Variants in KCNU1 observed in about 807,000 individuals in gnomAD.
The protein encoded by KCNU1 is potassium channel subfamily U member 1.
KCNU1 carries 93 observed loss-of-function variants against 126.8 expected under a neutral mutation model. That is an observed-to-expected ratio of 0.73 (90% CI 0.62 to 0.87). The LOEUF is 0.87. Among genes scored for constraint, KCNU1 ranks in the 40% least tolerant of loss-of-function variants. The pLI, the probability that KCNU1 is intolerant of heterozygous loss-of-function variation, is 0.00. For missense variants in KCNU1, 1,330 were observed against 1,367.1 expected, an observed-to-expected ratio of 0.97 and a Z score of 0.43; for synonymous variants, 523 against 494.2, an observed-to-expected ratio of 1.06 and a Z score of -0.77.
chr8:36,845,946 G>C (rs1367369043), intron 18 of KCNU1, 47 bp downstream of exon 18: 25 of 1,111,358 alleles, frequency 2.2e-5, no homozygotes, highest in Non-Finnish European at 3.2e-5. Flanking sequence ...CCTCTAGGGA[G>C]CTGCCTGACG....
chr8:36,915,157 A>G (rs1313914695), intron 22 of KCNU1, among the ~76,000 whole-genome samples: 1 of 152,230 alleles, frequency 6.6e-6, no homozygotes, highest in Non-Finnish European at 1.5e-5. Context: ...TTAGCAAAGA[A>G]CTGGAATCAG....
rs147539343 is a variant in KCNU1 at position 36,797,304 on chromosome 8, C to CT, written c.316-6713dup. On this transcript the variant is annotated intron_variant, in intron 2 of 26. Transcript: ENST00000399881. ...CCACTGGCTGATATTTACATTTCTACTTTTTTTTTTATTACTTTAATTTAT... is the reference window on the plus strand; with the variant it reads ...CCACTGGCTGATATTTACATTTCTACTTTTTTTTTTTATTACTTTAATTTAT... Among the ~76,000 whole-genome samples the CT allele has an allele frequency of 2.4e-3, 360 of 148,984 alleles. 3 individuals carry two copies. Among genetic ancestry groups the CT allele is most frequent in the Non-Finnish European group, 3.9e-3 (258 of 66,974 alleles).
intron 18 of KCNU1, among the ~76,000 whole-genome samples, chr8:36,850,440 T>C (rs1193582081): frequency 6.6e-6 from 1 of 150,734 alleles, no homozygotes; most frequent in African/African-American, 2.4e-5. Flanking sequence ...ATTTGGCTCT[T>C]ACAAAATCGG....
chr8:36,935,109 A>T (rs1808814129), intron 26 of KCNU1, among the ~76,000 whole-genome samples: 4 of 152,106 alleles, frequency 2.6e-5, no homozygotes, highest in Admixed American at 2.6e-4. Context: ...TGCCAGCTGA[A>T]TTCATGAGTA....
intron 10 of KCNU1, among the ~76,000 whole-genome samples, chr8:36,828,894 A>G (rs753836112): frequency 3.3e-5 from 5 of 152,134 alleles, no homozygotes; most frequent in Non-Finnish European, 7.4e-5. Context: ...GAGACTTCAC[A>G]CATATATATA....
At chr8:36,907,993 C>A (rs984759882) in intron 20 of KCNU1, among the ~76,000 whole-genome samples, 1 of 150,756 alleles carries the variant, frequency 6.6e-6, no homozygotes, top group Non-Finnish European at 1.5e-5. Flanking sequence ...TTTTTTTTTC[C>A]ATTTTAAACA....
At chr8:36,879,772 C>A (rs1362875397) in intron 19 of KCNU1, among the ~76,000 whole-genome samples, 1 of 152,176 alleles carries the variant, frequency 6.6e-6, no homozygotes, top group East Asian at 1.9e-4. Context: ...AATAGTAAAT[C>A]ACTAGGACTT....
intron 11 of KCNU1, among the ~76,000 whole-genome samples, chr8:36,834,198 C>G (rs968132401): frequency 2.0e-5 from 3 of 152,218 alleles, no homozygotes; most frequent in Non-Finnish European, 4.4e-5. Context: ...GTCATGTTCT[C>G]AGTCTCGGAG....
At chr8:36,859,229 G>A (rs2117319404) in intron 18 of KCNU1, among the ~76,000 whole-genome samples, 1 of 152,238 alleles carries the variant, frequency 6.6e-6, no homozygotes, top group South Asian at 2.1e-4. Flanking sequence ...TAACATATGG[G>A]CATTCTCTTA....
chr8:36,802,541 A>G (rs917368195), intron 2 of KCNU1, among the ~76,000 whole-genome samples: 1 of 152,174 alleles, frequency 6.6e-6, no homozygotes, highest in Non-Finnish European at 1.5e-5. Flanking sequence ...ATCACATGGG[A>G]GAGACTTCTA....
Position 36,833,555 on chromosome 8 carries a change from A to G in KCNU1, c.1108A>G (p.Thr370Ala). Reference sequence around the variant, plus strand: ...GCTGCCACGTTCTTTTTTGTCCAGAACCCCTCCTTCTTTGGAACTTGAAAC... The same window carrying G: ...GCTGCCACGTTCTTTTTTGTCCAGAGCCCCTCCTTCTTTGGAACTTGAAAC... Reference protein sequence around the residue: ...INTEIVFLGETPPSLELETIF... With the variant: ...INTEIVFLGEAPPSLELETIF... The change falls in exon 11 of 27, where the codon ACC becomes GCC. Residue 370 changes from threonine to alanine, a missense_variant and splice_region_variant. Around this residue, in one of 3 missense-constraint regions of KCNU1, gnomAD observed 1,054 missense variants for 1,053.9 expected, o/e 1.00. Transcript: ENST00000399881. The G allele has an allele frequency of 1.9e-6, 3 of 1,597,126 alleles. No individual in the cohort carries two copies. Among genetic ancestry groups the G allele is most frequent in the Non-Finnish European group, 1.7e-6 (2 of 1,165,338 alleles).
chr8:36,813,240 C>T (rs1803787419), intron 7 of KCNU1, among the ~76,000 whole-genome samples: 2 of 152,094 alleles, frequency 1.3e-5, no homozygotes, highest in African/African-American at 4.8e-5. Context: ...AGGATCAGCA[C>T]TTGGCACATC....
chr8:36,802,108 C>CAAAA (rs749026223), intron 2 of KCNU1, among the ~76,000 whole-genome samples: 5 of 72,342 alleles, frequency 6.9e-5, no homozygotes, highest in Admixed American at 1.5e-4. Flanking sequence ...AACTCCGTCT[C>CAAAA]AAAAAAAAAA....
chr8:36,806,399 C>A lies in KCNU1; in HGVS notation c.580+19C>A, dbSNP rs527980848. 1.6e-6 allele frequency: 2 copies of A among 1,276,918 alleles called. No individual in the cohort carries two copies. The highest frequency in any genetic ancestry group is 1.5e-5 in the African/African-American group (1 of 66,788). The allele number at this position is 1,276,918 out of a possible 1,614,324, so 79.1% of individuals were successfully genotyped here. On this transcript the variant is annotated intron_variant, in intron 5 of 26. Transcript: ENST00000399881. Reference sequence around the variant, plus strand: ...TGGCTAGGTAAGTGTGCTCTGGGAACGGGTAGCAATATCTATGAATAAAAT... The same window carrying A: ...TGGCTAGGTAAGTGTGCTCTGGGAAAGGGTAGCAATATCTATGAATAAAAT...
At chr8:36,801,651 ATGC>A (rs969224408) in intron 2 of KCNU1, among the ~76,000 whole-genome samples, 315 of 152,162 alleles carry the variant, frequency 2.1e-3, no homozygotes, top group African/African-American at 7.3e-3. Context: ...AATTATCAAT[ATGC>A]TGCTATTAAA....
At chr8:36,794,036 A>G (rs1359540020) in intron 2 of KCNU1, among the ~76,000 whole-genome samples, 1 of 146,066 alleles carries the variant, frequency 6.8e-6, no homozygotes, top group Non-Finnish European at 1.5e-5. Flanking sequence ...CCTGGGTGAC[A>G]GAGCGAGACT....
chr8:36,913,402 G>A (rs889722765), intron 22 of KCNU1, among the ~76,000 whole-genome samples: 1 of 152,092 alleles, frequency 6.6e-6, no homozygotes. Flanking sequence ...CAAAGTATTT[G>A]AATCATTATG....
intron 19 of KCNU1, among the ~76,000 whole-genome samples, chr8:36,896,403 T>G (rs368662615): frequency 2.0e-5 from 3 of 152,178 alleles, no homozygotes; most frequent in Admixed American, 6.6e-5. Context: ...AGCAATAATT[T>G]TCATTCCAAA....
In KCNU1 at chr8:36,880,175, T is replaced by TA. The variant is rs141088362; in HGVS notation, c.2009+15655dup. On this transcript the variant is annotated intron_variant, in intron 19 of 26. Transcript: ENST00000399881. ...ATATTTCTCTGCTGACTTGTTTTAT[T>TA]AGCTTCTTTTAAACATGTTACATTA... 4.1e-4 allele frequency among the ~76,000 whole-genome samples: 63 copies of TA among 152,360 alleles called. 1 individual carries two copies. The East Asian group carries it at 0.011, about 27-fold the overall frequency.
Sources: gnomAD v4.1 joint callset for allele counts (sites outside exome capture counted in the v4.1 genomes callset) on GRCh38, gnomAD v4.1.1 for gene constraint, gnomAD v4.1.1 regional missense constraint, MANE v1.5 for transcripts, NCBI Gene and HGNC (gene_info 2026-07-23, HGNC 2026-07-21) for gene names.